The following PHLDB2 variants were observed in gnomAD, a reference collection of about 807,000 sequenced individuals.
PHLDB2 encodes the protein pleckstrin homology like domain family B member 2.
PHLDB2 carries 71 observed loss-of-function variants against 123.6 expected under a neutral mutation model. The observed-to-expected ratio is 0.57, with a 90% CI of 0.47 to 0.70. The LOEUF is 0.70. Among genes scored for constraint, PHLDB2 ranks in the 30% least tolerant of loss-of-function variants. PHLDB2 has a pLI of 0.00. For synonymous variants in PHLDB2, 547 were observed against 541.6 expected, an observed-to-expected ratio of 1.01 and a Z score of -0.14; for missense variants, 1,446 against 1,519.5, an observed-to-expected ratio of 0.95 and a Z score of 0.80.
At chr3:111,828,992 T>C (rs1460034720) in intron 1 of PHLDB2, among the ~76,000 whole-genome samples, 2 of 152,204 alleles carry the variant, frequency 1.3e-5, no homozygotes, top group African/African-American at 2.4e-5. Flanking sequence ...AAAGGGAATA[T>C]AGACGCTTGT....
At chr3:111,747,634 G>C (rs2059701409) in intron 1 of PHLDB2, among the ~76,000 whole-genome samples, 1 of 152,002 alleles carries the variant, frequency 6.6e-6, no homozygotes. Flanking sequence ...AGTAGCCTCT[G>C]ACTATGTTTC....
intron 2 of PHLDB2, among the ~76,000 whole-genome samples, chr3:111,887,698 T>C (rs1056781363): frequency 7.2e-5 from 11 of 152,190 alleles, no homozygotes; most frequent in African/African-American, 2.7e-4. Context: ...TTTTTTATTA[T>C]CAATTCAATC....
At chr3:111,738,664 A>AT (rs2059550173) in intron 1 of PHLDB2, among the ~76,000 whole-genome samples, 1 of 152,044 alleles carries the variant, frequency 6.6e-6, no homozygotes, top group South Asian at 2.1e-4. Context: ...GTGTGTATGT[A>AT]TCTGTGTGTG....
chr3:111,898,182 T>TGTGTGTTTGTG (rs1553747095), intron 2 of PHLDB2, among the ~76,000 whole-genome samples: 1 of 142,552 alleles, frequency 7.0e-6, no homozygotes, highest in Non-Finnish European at 1.5e-5. Context: ...GTGTGTGTGT[T>TGTGTGTTTGTG]TGTGTGTGTG....
chr3:111,830,741 G>A (rs2062920097), intron 1 of PHLDB2, among the ~76,000 whole-genome samples: 1 of 135,748 alleles, frequency 7.4e-6, no homozygotes, highest in Non-Finnish European at 1.6e-5. Flanking sequence ...CCCGGGAGGC[G>A]GAGCTTGCAG....
intron 1 of PHLDB2, among the ~76,000 whole-genome samples, chr3:111,831,042 G>GAAGA (rs1197774633): frequency 0.017 from 1,820 of 105,028 alleles, 133 homozygotes; most frequent in African/African-American, 0.048. Flanking sequence ...AGGAAGGAAG[G>GAAGA]AAGAAAGAGA....
At chr3:111,762,604 A>C (rs1211733115) in intron 1 of PHLDB2, among the ~76,000 whole-genome samples, 3 of 151,882 alleles carry the variant, frequency 2.0e-5, no homozygotes, top group African/African-American at 7.3e-5. Flanking sequence ...ACCTGGCCAC[A>C]CTCGTCAGGA....
At position 111,825,488 on chromosome 3, in the gene PHLDB2, C is replaced by T. The variant is rs143133054; in HGVS notation, c.-48-20333C>T. The stretch of plus-strand genomic sequence containing the variant: ...TGTGTGACGTAATCTCCCTCTGTTA[C>T]CCAGGCTGGGGTGCAGTAGCACCAT... On this transcript the variant is annotated intron_variant, in intron 1 of 17. Coordinates refer to the PHLDB2 transcript ENST00000393923. Among the ~76,000 whole-genome samples the T allele has an allele frequency of 5.2e-3, 789 of 152,326 alleles. 9 individuals are homozygous for T. Among genetic ancestry groups the T allele is most frequent in the African/African-American group, 0.018 (734 of 41,570 alleles).
At chr3:111,967,138 A>G (rs1458327857) in intron 14 of PHLDB2, among the ~76,000 whole-genome samples, 1 of 152,182 alleles carries the variant, frequency 6.6e-6, no homozygotes, top group African/African-American at 2.4e-5. Context: ...CTGTATTTCA[A>G]GTCAGAATCT....
At chr3:111,895,857 A>AATCTGTCT (rs2066820109) in intron 2 of PHLDB2, among the ~76,000 whole-genome samples, 1 of 95,988 alleles carries the variant, frequency 1.0e-5, no homozygotes. Context: ...AAAAAAAAAA[A>AATCTGTCT]ATCTATCTAT....
At chr3:111,907,084 C>T (rs1424937061) in intron 2 of PHLDB2, among the ~76,000 whole-genome samples, 1 of 152,116 alleles carries the variant, frequency 6.6e-6, no homozygotes, top group Non-Finnish European at 1.5e-5. Flanking sequence ...TTGTCCTAAA[C>T]TGATAAAAAC....
chr3:111,822,317 G>GTATATA (rs1168681416), intron 1 of PHLDB2, among the ~76,000 whole-genome samples: 2 of 147,806 alleles, frequency 1.4e-5, no homozygotes, highest in African/African-American at 5.1e-5. Context: ...GTGTGTGTGT[G>GTATATA]TATATATATA....
At position 111,969,896 on chromosome 3, in the gene PHLDB2, C is replaced by T. The variant is rs768485419; in HGVS notation, c.3522C>T (p.Phe1174=). 6.2e-7 allele frequency: 1 copy of T among 1,613,724 alleles called. No individual in the cohort carries two copies. The highest frequency in any genetic ancestry group is 8.5e-7 in the Non-Finnish European group (1 of 1,179,784). Residue 1174 remains phenylalanine, a synonymous_variant, in exon 16 of 18, where the codon TTC becomes TTT. Transcript: ENST00000431670. ...WFVFDRNKRT[F]SYYADKHETK... ...TTTTTGATCGGAACAAGCGAACATT[C>T]TCTTATTATGCAGGTGGGTGATAAA...
chr3:111,765,907 C>T (rs2060072208), intron 1 of PHLDB2, among the ~76,000 whole-genome samples: 1 of 151,650 alleles, frequency 6.6e-6, no homozygotes. Flanking sequence ...CACACACATA[C>T]ACATACACAC....
At chr3:111,944,418 C>T (rs911651741) in intron 8 of PHLDB2, among the ~76,000 whole-genome samples, 1 of 151,770 alleles carries the variant, frequency 6.6e-6, no homozygotes, top group Non-Finnish European at 1.5e-5. Context: ...GGCAAGGACA[C>T]ATATACAAAT....
intron 8 of PHLDB2, 70 bp from the exon 9 acceptor site, chr3:111,945,198 C>T: frequency 9.8e-7 from 1 of 1,021,102 alleles, no homozygotes; most frequent in South Asian, 1.4e-5. Context: ...GTCTCTAATG[C>T]AAAGTCACCA....
At chr3:111,761,713 G>C (rs77478508) in intron 1 of PHLDB2, among the ~76,000 whole-genome samples, 6 of 152,074 alleles carry the variant, frequency 3.9e-5, no homozygotes, top group African/African-American at 1.4e-4. Context: ...TGTGGGTGGG[G>C]CAAGAGAATT....
chr3:111,951,335 T>A (rs183982756), intron 10 of PHLDB2, among the ~76,000 whole-genome samples: 21 of 152,288 alleles, frequency 1.4e-4, no homozygotes, highest in African/African-American at 5.1e-4. Context: ...CCTCACAGGA[T>A]TATTATAATA....
At chr3:111,913,822 T>G in intron 3 of PHLDB2, 120 bp downstream of exon 3, 1 of 1,330,618 alleles carries the variant, frequency 7.5e-7, no homozygotes, top group South Asian at 1.4e-5. Flanking sequence ...GAAATTTCAA[T>G]TTAAGAGGTC....
Sources: gnomAD v4.1 joint callset for allele counts (sites outside exome capture counted in the v4.1 genomes callset) on GRCh38, gnomAD v4.1.1 for gene constraint, MANE v1.5 for transcripts, NCBI Gene and HGNC (gene_info 2026-07-23, HGNC 2026-07-21) for gene names.